Variants in MAP4 observed in about 807,000 individuals in gnomAD.
MAP4 encodes microtubule associated protein 4.
A neutral mutation model predicts 170.2 loss-of-function variants in MAP4; 76 were observed. The observed-to-expected ratio is 0.45, with a 90% confidence interval of 0.37 to 0.54. The LOEUF (loss-of-function observed/expected upper bound fraction) is 0.54. Ranked by LOEUF, MAP4 falls within the 20% of genes least tolerant of loss-of-function variation. The pLI, the probability that MAP4 is intolerant of heterozygous loss-of-function variation, is 0.00. For synonymous variants in MAP4, 909 were observed against 994.5 expected (o/e 0.91, Z 1.62); for missense variants, 2,506 against 2,748.0 (o/e 0.91, Z 1.97).
intron 1 of MAP4, among the ~76,000 whole-genome samples, chr3:48,079,527 C>T (rs1286709999): frequency 6.6e-6 from 1 of 151,524 alleles, no homozygotes; most frequent in Non-Finnish European, 1.5e-5. Context: ...TGGTGGTGTG[C>T]ACCTGTACTC....
chr3:47,871,383 A>G, intron 13 of MAP4, 97 bp from the exon 14 acceptor site: 3 of 1,030,112 alleles, frequency 2.9e-6, no homozygotes, highest in African/African-American at 1.6e-5. Context: ...CAATTACTGA[A>G]TATCTACTTT....
intron 4 of MAP4, among the ~76,000 whole-genome samples, chr3:47,923,636 A>C (rs2100044205): frequency 6.6e-6 from 1 of 151,150 alleles, no homozygotes; most frequent in Non-Finnish European, 1.5e-5. Flanking sequence ...AAAAAAAAAA[A>C]ACAAACCCTT....
intron 9 of MAP4, 67 bp downstream of exon 9, chr3:47,908,971 C>T (rs2100034545): frequency 6.6e-7 from 1 of 1,504,834 alleles, no homozygotes. Context: ...AAGACACAAG[C>T]TCTTTGCCTT....
intron 1 of MAP4, among the ~76,000 whole-genome samples, chr3:48,063,601 C>A (rs1258812389): frequency 6.6e-6 from 1 of 151,956 alleles, no homozygotes; most frequent in Non-Finnish European, 1.5e-5. Flanking sequence ...AACTAGGATG[C>A]CTTTAATAGG....
chr3:48,074,286 C>T (rs1368284085), intron 1 of MAP4, among the ~76,000 whole-genome samples: 6 of 120,004 alleles, frequency 5.0e-5, no homozygotes, highest in Admixed American at 4.9e-4. Context: ...GGGTGGGGAA[C>T]GTCACACACT....
chr3:47,853,388 A>C, intron 19 of MAP4, 36 bp from the exon 20 acceptor site: 1 of 1,437,644 alleles, frequency 7.0e-7, no homozygotes, highest in Non-Finnish European at 9.5e-7. Context: ...GTGCAGGGTC[A>C]GTCGAGGGGG....
intron 1 of MAP4, among the ~76,000 whole-genome samples, chr3:48,029,985 T>C (rs1322809194): frequency 2.1e-5 from 3 of 145,568 alleles, no homozygotes; most frequent in East Asian, 2.0e-4. Flanking sequence ...CAAGATTCCA[T>C]CTCAAAAAAA....
chr3:47,923,915 T>C (rs932531004), intron 4 of MAP4, among the ~76,000 whole-genome samples: 1 of 152,134 alleles, frequency 6.6e-6, no homozygotes, highest in Non-Finnish European at 1.5e-5. Context: ...CAGTTCTATA[T>C]GGTTTGGGAT....
chr3:48,027,484 G>C (rs1368420478), intron 1 of MAP4, among the ~76,000 whole-genome samples: 1 of 152,120 alleles, frequency 6.6e-6, no homozygotes, highest in Admixed American at 6.6e-5. Flanking sequence ...CCCATATAGT[G>C]TTTTGAAAAA....
chr3:48,071,551 G>GA (rs1000339813), intron 1 of MAP4, among the ~76,000 whole-genome samples: 1 of 151,748 alleles, frequency 6.6e-6, no homozygotes, highest in African/African-American at 2.4e-5. Flanking sequence ...CCCATCTCAA[G>GA]AAAAAAAGAA....
At chr3:48,084,946 C>T (rs1394766988) in intron 1 of MAP4, among the ~76,000 whole-genome samples, 1 of 151,682 alleles carries the variant, frequency 6.6e-6, no homozygotes, top group Non-Finnish European at 1.5e-5. Context: ...CCTACAATCC[C>T]CCTTCTTAAC....
At chr3:48,053,461 TATA>T (rs1244550973) in intron 1 of MAP4, among the ~76,000 whole-genome samples, 1 of 152,192 alleles carries the variant, frequency 6.6e-6, no homozygotes, top group Non-Finnish European at 1.5e-5. Flanking sequence ...TGACCCTTCT[TATA>T]ATATTATGGA....
chr3:47,891,736 C>T lies in MAP4; in HGVS notation c.5434+11214G>A, dbSNP rs187932030. 67 of 1,536,624 alleles carry T rather than the reference C, an allele frequency of 4.4e-5. 1 individual carries two copies. The East Asian group carries it at 1.4e-3, about 33-fold the overall frequency. ...CCTGGGTGAACACCATAGTGATTGG[C>T]GGAATGGTGGTGGGTGAATGCTCAA... On this transcript the variant is annotated intron_variant, in intron 10 of 20. Transcript: ENST00000683076.
intron 1 of MAP4, among the ~76,000 whole-genome samples, chr3:48,028,045 A>C (rs2100114011): frequency 6.6e-6 from 1 of 152,212 alleles, no homozygotes; most frequent in Non-Finnish European, 1.5e-5. Context: ...TAATCCCAGT[A>C]CTTTGGGAGG....
intron 1 of MAP4, among the ~76,000 whole-genome samples, chr3:48,047,088 C>T (rs757954088): frequency 9.7e-5 from 11 of 113,790 alleles, no homozygotes; most frequent in South Asian, 2.7e-4. Context: ...AGTGAGACTC[C>T]GTCTCAAAAA....
rs941246011 is a variant in MAP4 at position 47,852,293 on chromosome 3, C to T, written c.*641G>A. 2.5e-5 allele frequency: 4 copies of T among 159,082 alleles called. No individual in the cohort carries two copies. The highest frequency in any genetic ancestry group is 1.9e-4 in the East Asian group (1 of 5,370). The allele number at this position is 159,082 out of a possible 1,614,324, so 9.9% of individuals were successfully genotyped here. A position where few individuals can be genotyped will look rare whatever the true frequency, so the allele number is the denominator to read the frequency against. The stretch of plus-strand genomic sequence containing the variant: ...CAAGAAAAATGTGACAGCAGCTAGG[C>T]GGGTATGTTAAGCATGGGGACAGGC... On this transcript the variant is annotated 3_prime_UTR_variant, in exon 21 of 21. Transcript: ENST00000683076.
chr3:47,856,113 G>A (rs576649535), intron 18 of MAP4, among the ~76,000 whole-genome samples: 1 of 152,130 alleles, frequency 6.6e-6, no homozygotes, highest in Non-Finnish European at 1.5e-5. Context: ...GGAAGGGTGC[G>A]GGACGAGCTG....
At chr3:48,087,965 G>A (rs1325997524) in intron 1 of MAP4, among the ~76,000 whole-genome samples, 1 of 152,016 alleles carries the variant, frequency 6.6e-6, no homozygotes, top group Non-Finnish European at 1.5e-5. Context: ...CAAACCTAAA[G>A]GTAATCAATC....
rs567044176 is a variant in MAP4 at position 47,892,168 on chromosome 3, A to G, written c.5434+10782T>C. The G allele has an allele frequency of 1.0e-5, 16 of 1,536,270 alleles. No homozygotes were observed. In the South Asian group the frequency reaches 1.9e-4, roughly 18 times the overall value. On this transcript the variant is annotated intron_variant, in intron 10 of 20. Coordinates refer to ENST00000683076, the MANE Select transcript of MAP4 (RefSeq NM_001385682.1). Reference sequence around the variant, plus strand: ...AGGGATGGCAGGTCTCTGAAATCACATACCTGCTCTCAAGGTGACCTGAGG... The same window carrying G: ...AGGGATGGCAGGTCTCTGAAATCACGTACCTGCTCTCAAGGTGACCTGAGG...
Sources: allele counts gnomAD v4.1 joint callset (sites outside exome capture counted in the v4.1 genomes callset), GRCh38; gene constraint gnomAD v4.1.1; transcripts MANE v1.5; gene names NCBI Gene and HGNC (gene_info 2026-07-23, HGNC 2026-07-21).